Variants in SGCZ observed in about 807,000 individuals in gnomAD.
SGCZ encodes the protein zeta-sarcoglycan.
Under a neutral mutation model 41.3 loss-of-function variants are expected in SGCZ, and 40 were observed. That is an observed-to-expected ratio of 0.97 (90% CI 0.75 to 1.26). The LOEUF is 1.26. Among genes scored for constraint, SGCZ ranks in the 50% most tolerant of loss-of-function variants. The probability of loss-of-function intolerance (pLI) is 0.00; values close to 1 mark genes in which losing one functional copy is unlikely to be tolerated. For missense variants in SGCZ, 552 were observed against 369.8 expected (o/e 1.49, Z -4.04); for synonymous variants, 206 against 137.5 (o/e 1.50, Z -3.49).
intron 1 of SGCZ, among the ~76,000 whole-genome samples, chr8:14,809,098 G>T (rs1801657337): frequency 6.8e-6 from 1 of 147,226 alleles, no homozygotes. Flanking sequence ...GTGGAGGGGG[G>T]AGGGATAGCA....
chr8:14,222,591 C>A (rs1400910976), intron 4 of SGCZ, among the ~76,000 whole-genome samples: 1 of 151,996 alleles, frequency 6.6e-6, no homozygotes, highest in Non-Finnish European at 1.5e-5. Context: ...TATTCTCCCA[C>A]GAAGATCAGA....
chr8:15,109,101 A>AAC lies in SGCZ; in HGVS notation c.39+128482_39+128483dup, dbSNP rs554784051. Reference sequence around the variant, plus strand: ...CGAAAAACAAATATGCAAAAAATAAAACACACACACACACTCATAATAGAG... The same window carrying AAC: ...CGAAAAACAAATATGCAAAAAATAAAACACACACACACACACTCATAATAGAG... On this transcript the variant is annotated intron_variant, in intron 1 of 7. Coordinates refer to ENST00000382080, the MANE Select transcript of SGCZ (RefSeq NM_139167.4). Among the ~76,000 whole-genome samples, 96 of 152,174 alleles carry AAC rather than the reference A, an allele frequency of 6.3e-4. No individual in the cohort carries two copies. The East Asian group carries it at 9.3e-3, about 15-fold the overall frequency.
At position 14,702,809 on chromosome 8, in the gene SGCZ, TTAGGTAGATAGATAGA is replaced by T. The variant is rs1212046736; in HGVS notation, c.40-147899_40-147884del. On this transcript the variant is annotated intron_variant, in intron 1 of 7. Coordinates refer to ENST00000382080, the MANE Select transcript of SGCZ (RefSeq NM_139167.4). ...GACAGACAGGCAGACAGGTAGGTAG[TTAGGTAGATAGATAGA>T]TAGATAGATAGATAGATAGATAGAT... 3.3e-3 allele frequency among the ~76,000 whole-genome samples: 388 copies of T among 117,408 alleles called. 8 individuals are homozygous for T. Among genetic ancestry groups the T allele is most frequent in the Middle Eastern group, 0.014 (3 of 208 alleles). The allele number at this position is 117,408 out of a possible 152,430, so 77.0% of individuals were successfully genotyped here.
rs574874502 is a variant in SGCZ at position 14,620,873 on chromosome 8, C to G, written c.40-65947G>C. Among the ~76,000 whole-genome samples, 12 of 152,226 alleles carry G rather than the reference C, an allele frequency of 7.9e-5. No homozygotes were observed. The East Asian group carries it at 2.1e-3, about 27-fold the overall frequency. On this transcript the variant is annotated intron_variant, in intron 1 of 7. Coordinates refer to ENST00000382080, the MANE Select transcript of SGCZ (RefSeq NM_139167.4). ...AAACTAGTTGAACCATTGTGGAAGA[C>G]AGTGTGGTGGTTCCTCAAGGATCTA...
chr8:14,505,853 A>G (rs1802289400), intron 2 of SGCZ, among the ~76,000 whole-genome samples: 1 of 152,148 alleles, frequency 6.6e-6, no homozygotes, highest in Non-Finnish European at 1.5e-5. Flanking sequence ...TACTTAATAA[A>G]TCAGAAACAC....
In SGCZ at chr8:15,160,568, T is replaced by A. The variant is rs550120642; in HGVS notation, c.39+77017A>T. 2.6e-5 allele frequency among the ~76,000 whole-genome samples: 4 copies of A among 152,338 alleles called. No individual in the cohort carries two copies. In the East Asian group the frequency reaches 7.7e-4, roughly 29 times the overall value. On this transcript the variant is annotated intron_variant, in intron 1 of 7. Transcript: ENST00000382080. ...GAAGGAAAAGTAGCCATGTGATTTATATATTCAACATTTTTTTTCGGTTAC... is the reference window on the plus strand; with the variant it reads ...GAAGGAAAAGTAGCCATGTGATTTAAATATTCAACATTTTTTTTCGGTTAC...
intron 1 of SGCZ, among the ~76,000 whole-genome samples, chr8:15,134,189 A>T (rs1229688490): frequency 6.6e-6 from 1 of 152,162 alleles, no homozygotes; most frequent in Non-Finnish European, 1.5e-5. Flanking sequence ...CAGTAAAAAC[A>T]AACAAACAAA....
chr8:14,112,923 G>T (rs1304469076), intron 5 of SGCZ, among the ~76,000 whole-genome samples: 2 of 142,020 alleles, frequency 1.4e-5, no homozygotes, highest in African/African-American at 5.3e-5. Flanking sequence ...TAACAATACT[G>T]GAAAAAAATA....
chr8:14,373,693 G>C (rs917390550), intron 2 of SGCZ, among the ~76,000 whole-genome samples: 1 of 152,162 alleles, frequency 6.6e-6, no homozygotes, highest in Non-Finnish European at 1.5e-5. Flanking sequence ...ATCAATTTTG[G>C]TGGAATGCTG....
chr8:14,601,502 G>C (rs936539684), intron 1 of SGCZ, among the ~76,000 whole-genome samples: 2 of 152,104 alleles, frequency 1.3e-5, no homozygotes, highest in Non-Finnish European at 2.9e-5. Context: ...TGACTGTAAA[G>C]TTGATCTTTT....
At chr8:14,593,353 C>A (rs1805300127) in intron 1 of SGCZ, among the ~76,000 whole-genome samples, 1 of 152,138 alleles carries the variant, frequency 6.6e-6, no homozygotes, top group South Asian at 2.1e-4. Context: ...TGAAAAAGGA[C>A]ATGGATTCTC....
chr8:14,685,128 T>C (rs1008791212), intron 1 of SGCZ, among the ~76,000 whole-genome samples: 4 of 152,158 alleles, frequency 2.6e-5, no homozygotes, highest in African/African-American at 9.6e-5. Flanking sequence ...TAAGTTTAAA[T>C]ATTCTAAAAT....
chr8:14,401,993 G>A (rs532443970), intron 2 of SGCZ, among the ~76,000 whole-genome samples: 148 of 152,140 alleles, frequency 9.7e-4, no homozygotes, highest in South Asian at 6.6e-3. Flanking sequence ...ACTGGTGTGG[G>A]ATGGTATCTC....
In SGCZ at chr8:14,085,067, C is replaced by A. The variant is rs1801486574; in HGVS notation, c.*5376G>T. Among the ~76,000 whole-genome samples the A allele has an allele frequency of 6.6e-6, 1 of 151,606 alleles. No homozygotes were observed. The highest frequency in any genetic ancestry group is 2.4e-5 in the African/African-American group (1 of 41,340). ...ATACCCCAATTAAGTTCCATCTAAA[C>A]AAAAGATACAATAGACTGATTTTTG... On this transcript the variant is annotated 3_prime_UTR_variant, in exon 8 of 8. Coordinates refer to ENST00000382080, the MANE Select transcript of SGCZ (RefSeq NM_139167.4).
chr8:14,203,424 TAATAC>T (rs1197117865), intron 4 of SGCZ, among the ~76,000 whole-genome samples: 2 of 152,202 alleles, frequency 1.3e-5, no homozygotes, highest in Admixed American at 1.3e-4. Context: ...TTTTAATACC[TAATAC>T]AATTCTTTTC....
chr8:14,940,840 C>T (rs773400618), intron 1 of SGCZ, among the ~76,000 whole-genome samples: 15 of 151,934 alleles, frequency 9.9e-5, no homozygotes, highest in African/African-American at 1.9e-4. Context: ...AGACGTTTTA[C>T]GTGTTTTACA....
In SGCZ at chr8:14,784,555, C is replaced by G. The variant is rs151338861; in HGVS notation, c.40-229629G>C. 4.7e-4 allele frequency among the ~76,000 whole-genome samples: 72 copies of G among 151,996 alleles called. No individual in the cohort carries two copies. In the East Asian group the frequency reaches 9.9e-3, roughly 21 times the overall value. On this transcript the variant is annotated intron_variant, in intron 1 of 7. Transcript: ENST00000382080. ...ACCATTACTAATTAAGAAGAGTTTTCTTCAGATCTGCCATATGAAACTCCT... is the reference window on the plus strand; with the variant it reads ...ACCATTACTAATTAAGAAGAGTTTTGTTCAGATCTGCCATATGAAACTCCT...
intron 2 of SGCZ, among the ~76,000 whole-genome samples, chr8:14,327,271 T>A (rs567568982): frequency 6.6e-6 from 1 of 152,200 alleles, no homozygotes; most frequent in South Asian, 2.1e-4. Context: ...GGGGTGGAGG[T>A]AGATTTAAGA....
chr8:14,578,018 C>T (rs1804768745), intron 1 of SGCZ, among the ~76,000 whole-genome samples: 1 of 152,102 alleles, frequency 6.6e-6, no homozygotes, highest in Non-Finnish European at 1.5e-5. Context: ...CATCAAAGGG[C>T]CAGGAAAAAT....
Sources: gnomAD v4.1 joint callset for allele counts (sites outside exome capture counted in the v4.1 genomes callset) on GRCh38, gnomAD v4.1.1 for gene constraint, MANE v1.5 for transcripts, NCBI Gene and HGNC (gene_info 2026-07-23, HGNC 2026-07-21) for gene names.